UQCRC2: variants seen among roughly 807,000 people sequenced by gnomAD.
UQCRC2 encodes the protein ubiquinol-cytochrome c reductase core protein 2.
In UQCRC2, 49 loss-of-function variants were observed where a neutral mutation model predicts 55.6. That is an observed-to-expected ratio of 0.88 (90% confidence interval 0.70 to 1.12). The LOEUF (loss-of-function observed/expected upper bound fraction) is 1.12, where lower values mean the gene tolerates loss of function less well. UQCRC2 is among the 50% of genes most tolerant of loss of function. UQCRC2 has a pLI of 0.00. For synonymous variants in UQCRC2, 193 were observed against 192.0 expected (o/e 1.01, Z -0.04); for missense variants, 506 against 547.8 (o/e 0.92, Z 0.76).
At chr16:21,967,206 A>AT (rs1898348242) in intron 7 of UQCRC2, among the ~76,000 whole-genome samples, 1 of 152,342 alleles carries the variant, frequency 6.6e-6, no homozygotes, top group African/African-American at 2.4e-5. Flanking sequence ...GAAAAAGAGT[A>AT]TGACTTTCCA....
rs139500759 is a variant in UQCRC2, at chr16:21,962,796, C to T, written c.425C>T (p.Thr142Ile). The change falls in exon 6 of 14, where the codon ACA (threonine) becomes ATA (isoleucine). Residue 142 changes from threonine to isoleucine, a missense_variant. Transcript: ENST00000268379. ...ILMEFLLNVT[T>I]APEFRRWEVA... is the part of the protein sequence containing the mutation. ...ATGGAGTTCCTGCTCAATGTCACCA[C>T]AGCACCAGAATTTCGTCGTTGGGAA... The T allele has an allele frequency of 2.0e-5, 32 of 1,614,144 alleles. No homozygotes were observed. In the African/African-American group the frequency reaches 2.3e-4, roughly 11 times the overall value.
At chr16:21,964,736 C>T (rs1003311638) in intron 6 of UQCRC2, among the ~76,000 whole-genome samples, 1 of 152,202 alleles carries the variant, frequency 6.6e-6, no homozygotes, top group Non-Finnish European at 1.5e-5. Flanking sequence ...GACACACTGC[C>T]GACATTGCAC....
intron 10 of UQCRC2, among the ~76,000 whole-genome samples, 169 bp from the exon 11 acceptor site, chr16:21,973,727 G>GGTAACC (rs1442716817): frequency 6.6e-6 from 1 of 152,144 alleles, no homozygotes; most frequent in African/African-American, 2.4e-5. Context: ...TTCTGAAAGA[G>GGTAACC]GTAACCTATT....
In UQCRC2 at chr16:21,968,615, T is replaced by C. The variant is rs760553949; in HGVS notation, c.613-13T>C. Reference sequence around the variant, plus strand: ...TGCTAATATAACCTAATAAGTGTTTTTAACTTCCTCAGTTACATTACTTCG... The same window carrying C: ...TGCTAATATAACCTAATAAGTGTTTCTAACTTCCTCAGTTACATTACTTCG... On this transcript the variant is annotated splice_polypyrimidine_tract_variant and intron_variant, in intron 7 of 13. Coordinates refer to ENST00000268379, the MANE Select transcript of UQCRC2 (RefSeq NM_003366.4). 1.3e-6 allele frequency: 2 copies of C among 1,599,130 alleles called. No individual in the cohort carries two copies. Among genetic ancestry groups the C allele is most frequent in the Non-Finnish European group, 1.7e-6 (2 of 1,174,084 alleles).
Position 21,962,784 on chromosome 16 carries a change from T to C in UQCRC2, c.413T>C (p.Leu138Pro). Residue 138 changes from leucine (L) to proline (P), a missense_variant, in exon 6 of 14, where the codon CTC becomes CCC. Leu to Pro is a moderately conservative substitution (Grantham distance 98). Coordinates refer to ENST00000268379, the MANE Select transcript of UQCRC2 (RefSeq NM_003366.4). ...GDVDILMEFL[L>P]NVTTAPEFRR... ...AGTGATATTCTAATGGAGTTCCTGC[T>C]CAATGTCACCACAGCACCAGAATTT... The C allele has an allele frequency of 6.2e-7, 1 of 1,614,130 alleles. No homozygotes were observed. Among genetic ancestry groups the C allele is most frequent in the Non-Finnish European group, 8.5e-7 (1 of 1,180,016 alleles).
At chr16:21,966,159 A>T (rs1375574156) in intron 7 of UQCRC2, among the ~76,000 whole-genome samples, 3 of 135,154 alleles carry the variant, frequency 2.2e-5, no homozygotes, top group South Asian at 2.2e-4. Flanking sequence ...ACAAAAAAAA[A>T]ATATATATAT....
intron 3 of UQCRC2, among the ~76,000 whole-genome samples, chr16:21,958,115 C>G (rs888905627): frequency 6.6e-6 from 1 of 152,170 alleles, no homozygotes; most frequent in Middle Eastern, 3.2e-3. Flanking sequence ...AAACCCAGTA[C>G]TGTCCCCTAA....
chr16:21,974,410 C>G (rs1898534278), intron 11 of UQCRC2, among the ~76,000 whole-genome samples: 1 of 151,996 alleles, frequency 6.6e-6, no homozygotes, highest in Non-Finnish European at 1.5e-5. Context: ...AGAAAAATGG[C>G]CCAGGTAAAC....
chr16:21,981,219 T>C (rs1293818146), intron 13 of UQCRC2, among the ~76,000 whole-genome samples: 1 of 152,204 alleles, frequency 6.6e-6, no homozygotes, highest in East Asian at 1.9e-4. Flanking sequence ...GCTAATTTTT[T>C]TTTCACATAT....
At chr16:21,961,930 G>A (rs894336408) in intron 4 of UQCRC2, among the ~76,000 whole-genome samples, 1 of 151,906 alleles carries the variant, frequency 6.6e-6, no homozygotes, top group Non-Finnish European at 1.5e-5. Flanking sequence ...TGGGATTACA[G>A]GTGTGAGCCA....
In UQCRC2 at chr16:21,968,635, A is replaced by T. The variant is rs2141938174; in HGVS notation, c.620A>T (p.Tyr207Phe). The T allele has an allele frequency of 6.2e-7, 1 of 1,607,888 alleles. No individual in the cohort carries two copies. The highest frequency in any genetic ancestry group is 8.5e-7 in the Non-Finnish European group (1 of 1,177,084). Residue 207 changes from tyrosine (Y) to phenylalanine (F), a missense_variant, in exon 8 of 14, where the codon TAC becomes TTC. By Grantham distance (22) the Tyr-to-Phe change is conservative. Coordinates refer to ENST00000268379, the MANE Select transcript of UQCRC2 (RefSeq NM_003366.4). ...TGTTTTTAACTTCCTCAGTTACATTACTTCGTTCAGAACCATTTCACAAGT... is the reference window on the plus strand; with the variant it reads ...TGTTTTTAACTTCCTCAGTTACATTTCTTCGTTCAGAACCATTTCACAAGT... ...IGKVTSEELH[Y>F]FVQNHFTSAR...
At chr16:21,979,467 G>A (rs1163792524) in intron 12 of UQCRC2, among the ~76,000 whole-genome samples, 1 of 152,114 alleles carries the variant, frequency 6.6e-6, no homozygotes, top group East Asian at 1.9e-4. Context: ...ACACACATGG[G>A]CTCTATGGTA....
At chr16:21,975,044 A>G (rs769726134) in intron 11 of UQCRC2, among the ~76,000 whole-genome samples, 5 of 152,242 alleles carry the variant, frequency 3.3e-5, no homozygotes, top group Non-Finnish European at 7.3e-5. Context: ...TTCATAGTAC[A>G]GTCAGTCAGC....
intron 3 of UQCRC2, 108 bp downstream of exon 3, chr16:21,957,674 A>G (rs892189511): frequency 6.2e-6 from 9 of 1,457,368 alleles, no homozygotes; most frequent in South Asian, 4.0e-5. Context: ...TTGACCTGCC[A>G]TAACAAATTA....
At chr16:21,955,154 T>C (rs1343492005) in intron 1 of UQCRC2, among the ~76,000 whole-genome samples, 1 of 152,168 alleles carries the variant, frequency 6.6e-6, no homozygotes, top group East Asian at 1.9e-4. Context: ...AATTATAGAT[T>C]ATTCATATTT....
intron 3 of UQCRC2, 75 bp from the exon 4 acceptor site, chr16:21,958,460 G>A: frequency 1.5e-6 from 2 of 1,303,166 alleles, no homozygotes; most frequent in South Asian, 1.3e-5. Context: ...GCTCACAACA[G>A]ATTTTGATAT....
At chr16:21,958,470 T>C in intron 3 of UQCRC2, 65 bp from the exon 4 acceptor site, 2 of 1,369,420 alleles carry the variant, frequency 1.5e-6, no homozygotes, top group East Asian at 2.3e-5. Flanking sequence ...GATTTTGATA[T>C]AGTGTGATGT....
At chr16:21,961,668 A>ATATATATATATATT (rs1321053912) in intron 4 of UQCRC2, among the ~76,000 whole-genome samples, 1 of 116,048 alleles carries the variant, frequency 8.6e-6, no homozygotes, top group Non-Finnish European at 1.7e-5. Flanking sequence ...ATATATATAT[A>ATATATATATATATT]TTTTAGACAG....
rs1254240031 is a variant in UQCRC2 at position 21,983,108 on chromosome 16, T to C, written c.1299T>C (p.Ser433=). The stretch of plus-strand genomic sequence containing the variant: ...TAAAGGCGGCAAAGAAGTTTGTTTC[T>C]GGCCAGAAGTCAATGGCAGCAAGTG... ...DIINAAKKFV[S]GQKSMAASGN... The change falls in exon 14 of 14, where the codon TCT becomes TCC. Residue 433 remains serine (S), a synonymous_variant. Transcript: ENST00000268379. 6.2e-7 allele frequency: 1 copy of C among 1,613,940 alleles called. No individual in the cohort carries two copies. Among genetic ancestry groups the C allele is most frequent in the Non-Finnish European group, 8.5e-7 (1 of 1,179,994 alleles).
Sources: allele counts gnomAD v4.1 joint callset (sites outside exome capture counted in the v4.1 genomes callset), GRCh38; gene constraint gnomAD v4.1.1; transcripts MANE v1.5; gene names NCBI Gene and HGNC (gene_info 2026-07-23, HGNC 2026-07-21).